Variants in PPP4R1 observed in about 807,000 individuals in gnomAD.
PPP4R1 encodes the protein serine/threonine-protein phosphatase 4 regulatory subunit 1.
PPP4R1 carries 42 observed loss-of-function variants against 111.2 expected under a neutral mutation model. The ratio of observed to expected loss-of-function variants is 0.38; its 90% CI spans 0.29 to 0.49. PPP4R1 has a LOEUF of 0.49. Ranked by LOEUF, PPP4R1 falls within the 20% of genes least tolerant of loss-of-function variation. PPP4R1 has a pLI of 0.97. For missense variants in PPP4R1, 1,012 were observed against 1,161.6 expected (o/e 0.87, Z 1.87); for synonymous variants, 409 against 405.5 (o/e 1.01, Z -0.10).
upstream of PPP4R1, among the ~76,000 whole-genome samples, chr18:9,615,529 T>TTA (rs1200160115): frequency 3.9e-5 from 6 of 152,204 alleles, no homozygotes; most frequent in Non-Finnish European, 7.3e-5. Context: ...ATCCCAGACT[T>TTA]TATTAGTCTT....
intron 2 of PPP4R1, among the ~76,000 whole-genome samples, chr18:9,608,590 C>G (rs977872413): frequency 7.9e-5 from 12 of 152,128 alleles, no homozygotes; most frequent in African/African-American, 2.7e-4. Flanking sequence ...AGTTCCAGAC[C>G]CTCTTATAGA....
At chr18:9,570,817 G>A (rs2066850521) in intron 10 of PPP4R1, 134 bp from the exon 11 acceptor site, 3 of 928,522 alleles carry the variant, frequency 3.2e-6, no homozygotes, top group East Asian at 2.9e-5. Context: ...TACAAACTGA[G>A]TTTATGTATA....
chr18:9,578,658 A>C (rs530120166), intron 9 of PPP4R1, among the ~76,000 whole-genome samples: 1 of 152,168 alleles, frequency 6.6e-6, no homozygotes, highest in African/African-American at 2.4e-5. Context: ...GATATCTATT[A>C]TTAGTATTTA....
At chr18:9,585,492 A>G (rs1456539434) in intron 6 of PPP4R1, among the ~76,000 whole-genome samples, 2 of 152,194 alleles carry the variant, frequency 1.3e-5, no homozygotes, top group African/African-American at 4.8e-5. Flanking sequence ...TTAATACAGA[A>G]AGAAATGGGA....
At chr18:9,615,610 G>A (rs953329209), upstream of PPP4R1, among the ~76,000 whole-genome samples, 7 of 152,162 alleles carry the variant, frequency 4.6e-5, no homozygotes, top group African/African-American at 1.2e-4. Flanking sequence ...CAGGTTTTCC[G>A]ACACGATTCT....
intron 11 of PPP4R1, among the ~76,000 whole-genome samples, chr18:9,565,286 T>C (rs953093965): frequency 2.0e-5 from 3 of 152,216 alleles, no homozygotes; most frequent in Non-Finnish European, 4.4e-5. Context: ...CTTACAGCTC[T>C]ACCGACTTTC....
intron 2 of PPP4R1, among the ~76,000 whole-genome samples, chr18:9,608,424 A>C (rs2067521562): frequency 6.6e-6 from 1 of 152,370 alleles, no homozygotes; most frequent in Admixed American, 6.5e-5. Context: ...AACCACATTC[A>C]TATCAATAAG....
intron 16 of PPP4R1, among the ~76,000 whole-genome samples, chr18:9,552,864 C>A (rs1256839575): frequency 6.6e-6 from 1 of 152,114 alleles, no homozygotes; most frequent in Non-Finnish European, 1.5e-5. Flanking sequence ...ATATGGAGGA[C>A]AACTGAAAAC....
At chr18:9,556,001 A>G (rs1331155921) in intron 15 of PPP4R1, among the ~76,000 whole-genome samples, 1 of 80,050 alleles carries the variant, frequency 1.2e-5, no homozygotes, top group African/African-American at 4.0e-5. Context: ...AACAAACAAA[A>G]AAACACAAAA....
chr18:9,605,289 G>T (rs1325728374), intron 2 of PPP4R1, among the ~76,000 whole-genome samples: 1 of 152,018 alleles, frequency 6.6e-6, no homozygotes, highest in Non-Finnish European at 1.5e-5. Flanking sequence ...GGAAGATCAG[G>T]CTCTTCTATA....
At chr18:9,563,705 C>G (rs2066716004) in intron 11 of PPP4R1, 155 bp from the exon 12 acceptor site, 2 of 578,758 alleles carry the variant, frequency 3.5e-6, no homozygotes, top group Admixed American at 3.8e-5. Flanking sequence ...TGTGGTAAAT[C>G]ATTAGTCCTT....
chr18:9,595,588 T>A (rs2067277942), intron 2 of PPP4R1, among the ~76,000 whole-genome samples: 1 of 152,188 alleles, frequency 6.6e-6, no homozygotes, highest in South Asian at 2.1e-4. Flanking sequence ...TTAATATATT[T>A]ACATTCATTA....
At position 9,594,925 on chromosome 18, in the gene PPP4R1, T is replaced by C. The variant is rs2067267569; in HGVS notation, c.188+93A>G. 3 of 1,429,970 alleles carry C rather than the reference T, an allele frequency of 2.1e-6. No homozygotes were observed. The East Asian group carries it at 6.9e-5, about 33-fold the overall frequency. 88.6% of individuals were successfully genotyped at this position (1,429,970 alleles called of 1,614,324 possible). Reference sequence around the variant, plus strand: ...TGACTCAGATTGTGCCTGTTAATAATACCTCCTTTAAAGTGGATACTTTCA... The same window carrying C: ...TGACTCAGATTGTGCCTGTTAATAACACCTCCTTTAAAGTGGATACTTTCA... On this transcript the variant is annotated intron_variant, in intron 3 of 19. Coordinates refer to ENST00000400556, the MANE Select transcript of PPP4R1 (RefSeq NM_001042388.3).
At chr18:9,549,102 C>A in intron 19 of PPP4R1, 95 bp downstream of exon 19, 1 of 1,424,868 alleles carries the variant, frequency 7.0e-7, no homozygotes, top group Non-Finnish European at 9.7e-7. Flanking sequence ...TTTCTCTGAG[C>A]AGACAATACT....
intron 16 of PPP4R1, chr18:9,550,646 A>C: frequency 2.2e-6 from 1 of 455,434 alleles, no homozygotes. Context: ...TTCTGCATCC[A>C]TGGGGACTGA....
chr18:9,575,106 T>G (rs1598918617), intron 10 of PPP4R1, among the ~76,000 whole-genome samples: 1 of 152,336 alleles, frequency 6.6e-6, no homozygotes, highest in East Asian at 1.9e-4. Context: ...AGTAAATGTT[T>G]CTAGGGTCAG....
chr18:9,552,933 G>A (rs1014651127), intron 16 of PPP4R1, among the ~76,000 whole-genome samples: 2 of 152,220 alleles, frequency 1.3e-5, no homozygotes, highest in African/African-American at 4.8e-5. Flanking sequence ...CCACTTGCAT[G>A]AAATGTCCGC....
chr18:9,568,798 G>A (rs1598910260), intron 11 of PPP4R1, among the ~76,000 whole-genome samples: 1 of 152,112 alleles, frequency 6.6e-6, no homozygotes, highest in Non-Finnish European at 1.5e-5. Flanking sequence ...CATGGTGGGA[G>A]GCCAAGGCAG....
chr18:9,613,496 A>G (rs775313176), intron 2 of PPP4R1: 5 of 152,224 alleles, frequency 3.3e-5, no homozygotes, highest in African/African-American at 4.8e-5. Flanking sequence ...TTTTAAAAAT[A>G]AAAGCGTCAA....
Sources: allele counts gnomAD v4.1 joint callset (sites outside exome capture counted in the v4.1 genomes callset), GRCh38; gene constraint gnomAD v4.1.1; transcripts MANE v1.5; gene names NCBI Gene and HGNC (gene_info 2026-07-23, HGNC 2026-07-21).